The following CUX1 variants were observed in gnomAD, a reference collection of about 807,000 sequenced individuals.
CUX1 encodes the protein cut like homeobox 1.
Under a neutral mutation model 158.8 loss-of-function variants are expected in CUX1, and 31 were observed. The ratio of observed to expected loss-of-function variants is 0.20; its 90% CI spans 0.15 to 0.26. The LOEUF is 0.26. CUX1 is among the 10% of genes least tolerant of loss of function. The pLI is 1.00. For synonymous variants in CUX1, 879 were observed against 862.1 expected (o/e 1.02, Z -0.34); for missense variants, 1,589 against 2,014.6 (o/e 0.79, Z 4.04).
chr7:102,283,165 C>A, exon 23 of CUX1: 2 of 1,244,366 alleles, frequency 1.6e-6, no homozygotes, highest in Non-Finnish European at 2.4e-6. Flanking sequence ...ATCACTTAGA[C>A]TCCCCTGAAG....
intron 2 of CUX1, among the ~76,000 whole-genome samples, chr7:102,021,750 G>T (rs890962364): frequency 2.0e-5 from 3 of 151,302 alleles, no homozygotes; most frequent in Non-Finnish European, 4.4e-5. Context: ...TAGTAGAGAT[G>T]GGGTTTCTCC....
chr7:102,028,420 G>C (rs989840925), intron 3 of CUX1, among the ~76,000 whole-genome samples: 7 of 152,216 alleles, frequency 4.6e-5, no homozygotes, highest in Non-Finnish European at 1.0e-4. Flanking sequence ...GCAACAGGCA[G>C]GTTGTTGGCG....
intron 1 of CUX1, among the ~76,000 whole-genome samples, chr7:101,883,668 A>G (rs546472306): frequency 6.6e-5 from 10 of 151,434 alleles, no homozygotes; most frequent in Non-Finnish European, 1.3e-4. Context: ...CTGGAGTGCA[A>G]TGGCATGATC....
rs534891065 is a variant in CUX1, at chr7:102,281,552, A to T, written c.1822-288A>T. Among the ~76,000 whole-genome samples the T allele has an allele frequency of 7.9e-4, 120 of 152,110 alleles. No homozygotes were observed. Among genetic ancestry groups the T allele is most frequent in the African/African-American group, 2.7e-3 (110 of 41,490 alleles). ...GTGACGCACACCTGTAATCCCAGCT[A>T]CTCAGGAGGCTGAGGCAGGAGAATC... On this transcript the variant is annotated intron_variant, in intron 20 of 22. Coordinates refer to the CUX1 transcript ENST00000292538.
chr7:102,257,665 G>T lies in CUX1; in HGVS notation c.*8623G>T. 1.0e-6 allele frequency: 1 copy of T among 985,304 alleles called. No individual in the cohort carries two copies. Among genetic ancestry groups the T allele is most frequent in the Non-Finnish European group, 1.2e-6 (1 of 829,932 alleles). The allele number at this position is 985,304 out of a possible 1,614,324, so 61.0% of individuals were successfully genotyped here. ...CTAACAGCACAAGACGCACTCACAG[G>T]GTGGCGGAATCTTCCGGAAAACTCT... On this transcript the variant is annotated 3_prime_UTR_variant, in exon 24 of 24. Coordinates refer to ENST00000292535, the MANE Select transcript of CUX1 (RefSeq NM_181552.4).
At chr7:102,279,951 A>C (rs1185325513) in intron 18 of CUX1, 1 of 833,080 alleles carries the variant, frequency 1.2e-6, no homozygotes, top group Non-Finnish European at 2.0e-6. Context: ...TTTGCAGATG[A>C]GGAAACTGAG....
chr7:101,977,211 C>A (rs1812822874), intron 2 of CUX1, among the ~76,000 whole-genome samples: 1 of 152,124 alleles, frequency 6.6e-6, no homozygotes, highest in South Asian at 2.1e-4. Flanking sequence ...CTGCACCCAG[C>A]ACCCTTCCTG....
chr7:102,254,678 C>G lies in CUX1; in HGVS notation c.*5636C>G, dbSNP rs1383534876. ...CACATTTAGAAAGCCCTCAGTGCTTCTGTGGTTTCACCTGGGCATCGACGA... is the reference window on the plus strand; with the variant it reads ...CACATTTAGAAAGCCCTCAGTGCTTGTGTGGTTTCACCTGGGCATCGACGA... On this transcript the variant is annotated 3_prime_UTR_variant, in exon 24 of 24. Coordinates refer to ENST00000292535, the MANE Select transcript of CUX1 (RefSeq NM_181552.4). The G allele has an allele frequency of 1.0e-6, 1 of 985,376 alleles. No homozygotes were observed. The highest frequency in any genetic ancestry group is 1.7e-5 in the African/African-American group (1 of 57,240). 61.0% of individuals were successfully genotyped at this position (985,376 alleles called of 1,614,324 possible).
chr7:101,993,367 G>T (rs926123607), intron 2 of CUX1, among the ~76,000 whole-genome samples: 2 of 152,132 alleles, frequency 1.3e-5, no homozygotes, highest in Non-Finnish European at 2.9e-5. Context: ...AGATAACAAG[G>T]CGTGCTGGAG....
At position 102,249,818 on chromosome 7, in the gene CUX1, C is replaced by T. The variant is rs1396004240; in HGVS notation, c.*776C>T. The stretch of plus-strand genomic sequence containing the variant: ...AATATTTTCAAGAAAAGAATCTTCT[C>T]GTTTGAAACTTTGAATTAAAATAAA... On this transcript the variant is annotated 3_prime_UTR_variant, in exon 24 of 24. Coordinates refer to ENST00000292535, the MANE Select transcript of CUX1 (RefSeq NM_181552.4). 1.0e-6 allele frequency: 1 copy of T among 985,534 alleles called. No homozygotes were observed. Among genetic ancestry groups the T allele is most frequent in the African/African-American group, 1.7e-5 (1 of 57,324 alleles). The allele number at this position is 985,534 out of a possible 1,614,324, so 61.0% of individuals were successfully genotyped here. A position where few individuals can be genotyped will look rare whatever the true frequency, so the allele number is the denominator to read the frequency against.
At position 102,115,187 on chromosome 7, in the gene CUX1, A is replaced by G. The variant is rs1554491389; in HGVS notation, c.608-20A>G. 1 of 1,601,324 alleles carries G rather than the reference A, an allele frequency of 6.2e-7. No individual in the cohort carries two copies. On this transcript the variant is annotated intron_variant, in intron 7 of 23. Coordinates refer to ENST00000292535, the MANE Select transcript of CUX1 (RefSeq NM_181552.4). The stretch of plus-strand genomic sequence containing the variant: ...CTTTTAAAATTTCATTTAAATAGTT[A>G]GTAATTCTTTGCCTTTCAGCCCTGG...
rs1157092022 is a variant in CUX1 at position 102,034,743 on chromosome 7, C to T, written c.189+6598C>T. On this transcript the variant is annotated intron_variant, in intron 3 of 23. Transcript: ENST00000292535. ...ACTCCAGCCTGGTGACAGAGAGAGA[C>T]TCCGTCTCAAAAAAAAAAAAAAAAA... 7.0e-5 allele frequency among the ~76,000 whole-genome samples: 9 copies of T among 128,144 alleles called. No homozygotes were observed. The East Asian group carries it at 2.1e-3, about 30-fold the overall frequency. 84.1% of individuals were successfully genotyped at this position (128,144 alleles called of 152,430 possible). A position where few individuals can be genotyped will look rare whatever the true frequency, so the allele number is the denominator to read the frequency against.
Position 102,249,977 on chromosome 7 carries a change from TTAAC to T in CUX1, c.*937_*940del, listed in dbSNP as rs1801317487. 2.0e-6 allele frequency: 2 copies of T among 985,486 alleles called. No homozygotes were observed. The highest frequency in any genetic ancestry group is 2.4e-6 in the Non-Finnish European group (2 of 829,896). 61.0% of individuals were successfully genotyped at this position (985,486 alleles called of 1,614,324 possible). On this transcript the variant is annotated 3_prime_UTR_variant, in exon 24 of 24. Transcript: ENST00000292535. ...ATGTAGTGCACATTGATGTATAGCT[TTAAC>T]TGACCCTGGGTTTTGCAGACCAGGG...
At chr7:102,218,495 G>T (rs1016539730) in intron 20 of CUX1, among the ~76,000 whole-genome samples, 1 of 152,158 alleles carries the variant, frequency 6.6e-6, no homozygotes, top group Non-Finnish European at 1.5e-5. Context: ...ACCAGCCTGG[G>T]CAACATAGTG....
At chr7:102,033,971 C>A (rs765898469) in intron 3 of CUX1, among the ~76,000 whole-genome samples, 2 of 151,628 alleles carry the variant, frequency 1.3e-5, no homozygotes, top group Non-Finnish European at 1.5e-5. Context: ...CATGGTGCAA[C>A]CCCATCTCTA....
chr7:102,028,820 A>T (rs1318380724), intron 3 of CUX1, among the ~76,000 whole-genome samples: 1 of 152,146 alleles, frequency 6.6e-6, no homozygotes, highest in African/African-American at 2.4e-5. Flanking sequence ...AGATTCAGTG[A>T]TGTTTAGAAA....
At chr7:102,035,567 A>G (rs1251606691) in intron 3 of CUX1, among the ~76,000 whole-genome samples, 1 of 151,520 alleles carries the variant, frequency 6.6e-6, no homozygotes. Context: ...TACAAAATCA[A>G]TATACAAAAG....
chr7:102,243,635 T>TAATAATAAC (rs1800463609), intron 23 of CUX1, among the ~76,000 whole-genome samples: 1 of 85,454 alleles, frequency 1.2e-5, no homozygotes, highest in South Asian at 3.5e-4. Context: ...CTACAGAAAA[T>TAATAATAAC]AATAATAATA....
chr7:102,097,404 C>G lies in CUX1; in HGVS notation c.309C>G (p.Leu103=), dbSNP rs781863665. 1 of 1,612,924 alleles carries G rather than the reference C, an allele frequency of 6.2e-7. No homozygotes were observed. Among genetic ancestry groups the G allele is most frequent in the East Asian group, 2.2e-5 (1 of 44,872 alleles). Residue 103 remains leucine (L), a synonymous_variant, in exon 5 of 24, where the codon CTC becomes CTG. Coordinates refer to ENST00000292535, the MANE Select transcript of CUX1 (RefSeq NM_181552.4). ...PALDLGQQLQ[L]KVQRLHDIET... ...TGGATCTCGGACAGCAACTCCAGCT[C>G]AAAGTGCAGCGCCTGCACGATATTG...
Sources: gnomAD v4.1 joint callset for allele counts (sites outside exome capture counted in the v4.1 genomes callset) on GRCh38, gnomAD v4.1.1 for gene constraint, MANE v1.5 for transcripts, NCBI Gene and HGNC (gene_info 2026-07-23, HGNC 2026-07-21) for gene names.